STAU2: variants seen among roughly 807,000 people sequenced by gnomAD.
STAU2 encodes double-stranded RNA-binding protein Staufen homolog 2.
In STAU2, 20 loss-of-function variants were observed where a neutral mutation model predicts 65.9. The observed-to-expected ratio is 0.30, with a 90% confidence interval of 0.21 to 0.44. The LOEUF (loss-of-function observed/expected upper bound fraction) is 0.44, where lower values mean the gene tolerates loss of function less well. STAU2 is among the 20% of genes least tolerant of loss of function. The probability of loss-of-function intolerance (pLI) is 1.00; values close to 1 mark genes in which losing one functional copy is unlikely to be tolerated. For missense variants in STAU2, 558 were observed against 683.9 expected (o/e 0.82, Z 2.05); for synonymous variants, 232 against 233.9 (o/e 0.99, Z 0.07).
Position 73,445,276 on chromosome 8 carries a change from C to T in STAU2, c.1531-22574G>A, listed in dbSNP as rs957941321. The stretch of plus-strand genomic sequence containing the variant: ...TTCTGCAGGGTTGCACTCCACTTTG[C>T]AGTCAGGCTAGGAGAGGATGAATCC... On this transcript the variant is annotated intron_variant, in intron 13 of 14. Transcript: ENST00000524300. Among the ~76,000 whole-genome samples, 4 of 152,266 alleles carry T rather than the reference C, an allele frequency of 2.6e-5. No individual in the cohort carries two copies. In the South Asian group the frequency reaches 8.3e-4, roughly 32 times the overall value.
chr8:73,602,441 G>A (rs1811702217), intron 10 of STAU2, among the ~76,000 whole-genome samples: 1 of 152,182 alleles, frequency 6.6e-6, no homozygotes, highest in African/African-American at 2.4e-5. Flanking sequence ...AAGCACAGTG[G>A]CTCACGCCTG....
chr8:73,499,674 G>C (rs944157765), intron 13 of STAU2, among the ~76,000 whole-genome samples: 1 of 151,822 alleles, frequency 6.6e-6, no homozygotes, highest in Non-Finnish European at 1.5e-5. Context: ...GAAAAAGGTT[G>C]GCAGTTGAGG....
intron 12 of STAU2, among the ~76,000 whole-genome samples, chr8:73,571,467 CT>C (rs1809083768): frequency 6.6e-6 from 1 of 152,224 alleles, no homozygotes; most frequent in Non-Finnish European, 1.5e-5. Flanking sequence ...CCACATCGCA[CT>C]TATTCCAAAA....
chr8:73,591,901 A>AAAAAC (rs1554546557), intron 11 of STAU2, among the ~76,000 whole-genome samples: 70 of 142,170 alleles, frequency 4.9e-4, no homozygotes, highest in Middle Eastern at 7.9e-3. Context: ...AAAAAAAAAA[A>AAAAAC]AAAAAAAAAA....
intron 6 of STAU2, among the ~76,000 whole-genome samples, chr8:73,643,432 G>C (rs1377009587): frequency 6.6e-6 from 1 of 152,150 alleles, no homozygotes; most frequent in Non-Finnish European, 1.5e-5. Context: ...AGGTGAAGTG[G>C]GACAGTGAAT....
In STAU2 at chr8:73,570,344, C is replaced by T. The variant is rs554817149; in HGVS notation, c.1222+12426G>A. 1.2e-4 allele frequency among the ~76,000 whole-genome samples: 18 copies of T among 152,242 alleles called. 1 individual carries two copies. In the South Asian group the frequency reaches 3.5e-3, roughly 30 times the overall value. On this transcript the variant is annotated intron_variant, in intron 12 of 14. Coordinates refer to ENST00000524300, the MANE Select transcript of STAU2 (RefSeq NM_001164380.2). ...ACCAAATCTACGTCTGATTGGTGTA[C>T]CTGAAAGTGACGGGGGGAATGGAAC...
intron 13 of STAU2, among the ~76,000 whole-genome samples, chr8:73,467,220 TAGTTG>T (rs1427801987): frequency 6.6e-6 from 1 of 152,156 alleles, no homozygotes; most frequent in African/African-American, 2.4e-5. Context: ...CACTAAATAT[TAGTTG>T]AGTTAATAAT....
intron 6 of STAU2, among the ~76,000 whole-genome samples, chr8:73,670,832 T>G (rs1817619658): frequency 6.6e-6 from 1 of 152,046 alleles, no homozygotes; most frequent in Admixed American, 6.6e-5. Context: ...TAGGAAAGAA[T>G]TTCTCAGGCA....
In STAU2 at chr8:73,550,473, T is replaced by C. The variant is rs564798913; in HGVS notation, c.1530+1539A>G. ...CAATTCAGAGCTTGAATGCAATTTG[T>C]GCTTTGTTTCTATAAGAATGCAGTG... On this transcript the variant is annotated intron_variant, in intron 13 of 14. Transcript: ENST00000524300. 9 of 985,990 alleles carry C rather than the reference T, an allele frequency of 9.1e-6. No homozygotes were observed. The African/African-American group carries it at 1.6e-4, about 17-fold the overall frequency. The allele number at this position is 985,990 out of a possible 1,614,324, so 61.1% of individuals were successfully genotyped here.
At chr8:73,599,955 A>C (rs1281854967) in intron 10 of STAU2, among the ~76,000 whole-genome samples, 1 of 152,086 alleles carries the variant, frequency 6.6e-6, no homozygotes, top group Admixed American at 6.6e-5. Flanking sequence ...TTTTTAGTAG[A>C]GACGGGGTTT....
At chr8:73,512,243 T>C (rs981565948) in intron 13 of STAU2, among the ~76,000 whole-genome samples, 12 of 152,152 alleles carry the variant, frequency 7.9e-5, no homozygotes, top group African/African-American at 2.9e-4. Flanking sequence ...TCTTTGCATT[T>C]CCATACACAT....
intron 13 of STAU2, among the ~76,000 whole-genome samples, chr8:73,425,586 G>A (rs1239676582): frequency 6.6e-6 from 1 of 152,070 alleles, no homozygotes; most frequent in Non-Finnish European, 1.5e-5. Context: ...AAACTGTACA[G>A]GGACCTCATA....
intron 13 of STAU2, among the ~76,000 whole-genome samples, chr8:73,534,451 A>G (rs570845372): frequency 1.3e-5 from 2 of 152,212 alleles, no homozygotes; most frequent in African/African-American, 4.8e-5. Flanking sequence ...ACTTGATGAC[A>G]TGTAAATTAT....
chr8:73,676,108 A>G (rs545959504), intron 5 of STAU2, among the ~76,000 whole-genome samples: 1 of 152,194 alleles, frequency 6.6e-6, no homozygotes, highest in Non-Finnish European at 1.5e-5. Flanking sequence ...AAACAGTTCT[A>G]TAATATATTC....
chr8:73,510,428 G>T (rs972713278), intron 13 of STAU2, among the ~76,000 whole-genome samples: 15 of 152,150 alleles, frequency 9.9e-5, no homozygotes, highest in Admixed American at 2.0e-4. Context: ...AGTCAAATTT[G>T]TACAAATAGT....
intron 6 of STAU2, among the ~76,000 whole-genome samples, chr8:73,631,176 C>A (rs1054441554): frequency 6.6e-6 from 1 of 152,024 alleles, no homozygotes; most frequent in African/African-American, 2.4e-5. Flanking sequence ...GCCAAAATAG[C>A]AAGACTGTCT....
intron 4 of STAU2, among the ~76,000 whole-genome samples, chr8:73,706,982 G>A (rs541961396): frequency 1.3e-5 from 2 of 152,290 alleles, no homozygotes; most frequent in East Asian, 1.9e-4. Flanking sequence ...TCCCAGGTAG[G>A]CTGACCTTCC....
chr8:73,575,365 A>C (rs1809460999), intron 12 of STAU2, among the ~76,000 whole-genome samples: 1 of 152,226 alleles, frequency 6.6e-6, no homozygotes, highest in African/African-American at 2.4e-5. Context: ...AGCTGTAGGG[A>C]AACAGGAAAT....
intron 13 of STAU2, among the ~76,000 whole-genome samples, chr8:73,492,392 T>G (rs1171804913): frequency 2.0e-5 from 3 of 151,882 alleles, no homozygotes; most frequent in African/African-American, 7.2e-5. Flanking sequence ...CTCCTACTGC[T>G]TCCATCAATG....
Sources: gnomAD v4.1 joint callset for allele counts (sites outside exome capture counted in the v4.1 genomes callset) on GRCh38, gnomAD v4.1.1 for gene constraint, MANE v1.5 for transcripts, NCBI Gene and HGNC (gene_info 2026-07-23, HGNC 2026-07-21) for gene names.